Variants in TCHP observed in about 807,000 individuals in gnomAD.
TCHP encodes the protein trichoplein keratin filament-binding protein.
TCHP carries 81 observed loss-of-function variants against 88.7 expected under a neutral mutation model. The observed-to-expected ratio is 0.91, with a 90% CI of 0.76 to 1.10. The LOEUF is 1.10. Ranked by LOEUF, TCHP falls within the 50% of genes least tolerant of loss-of-function variation. The pLI, the probability that TCHP is intolerant of heterozygous loss-of-function variation, is 0.00. For missense variants in TCHP, 641 were observed against 632.1 expected, an observed-to-expected ratio of 1.01 and a Z score of -0.15; for synonymous variants, 232 against 232.5, an observed-to-expected ratio of 1.00 and a Z score of 0.02.
upstream of TCHP, among the ~76,000 whole-genome samples, chr12:109,899,394 C>T (rs1869657528): frequency 6.6e-6 from 1 of 152,142 alleles, no homozygotes; most frequent in Non-Finnish European, 1.5e-5. Flanking sequence ...AATCCTAGCA[C>T]TTTGGGAGCC....
intron 9 of TCHP, 102 bp downstream of exon 9, chr12:109,911,337 C>A: frequency 1.6e-6 from 1 of 626,168 alleles, no homozygotes; most frequent in Non-Finnish European, 2.6e-6. Context: ...ATTGGCTGGG[C>A]GTGGAGGCTC....
At chr12:109,889,787 G>A in the TCHP span, among the ~76,000 whole-genome samples, 1 of 152,190 alleles carries the variant, frequency 6.6e-6, no homozygotes, top group Non-Finnish European at 1.5e-5. Flanking sequence ...ACTGGCAATT[G>A]TGGGGATAAT....
rs1592915349 is a variant in TCHP at position 109,914,629 on chromosome 12, T to A, written c.1320+2T>A. On this transcript the variant is annotated splice_donor_variant, in intron 11 of 12. Transcript: ENST00000405876. LOFTEE classifies it high-confidence loss of function. ...AGGAAGCAGGAGCTGGAAGCCCAGG[T>A]AGGGCTGAGCCCAAGGGCGGGAGGC... 1 of 1,609,752 alleles carries A rather than the reference T, an allele frequency of 6.2e-7. No homozygotes were observed. Among genetic ancestry groups the A allele is most frequent in the Non-Finnish European group, 8.5e-7 (1 of 1,178,990 alleles).
chr12:109,902,383 A>C (rs1465662238), intron 1 of TCHP, among the ~76,000 whole-genome samples: 1 of 151,248 alleles, frequency 6.6e-6, no homozygotes, highest in Non-Finnish European at 1.5e-5. Context: ...CTGGTCTCCA[A>C]CTCCCGGCCT....
At chr12:109,915,116 A>C in intron 11 of TCHP, 1 of 532,738 alleles carries the variant, frequency 1.9e-6, no homozygotes, top group Middle Eastern at 5.1e-4. Flanking sequence ...CACAATGCAT[A>C]CAGCCTCTCC....
intron 5 of TCHP, 84 bp downstream of exon 5, chr12:109,906,724 A>G: frequency 1.8e-6 from 2 of 1,136,672 alleles, no homozygotes; most frequent in Non-Finnish European, 2.6e-6. Flanking sequence ...CGTTTTCAGC[A>G]TCAGTGACTC....
chr12:109,902,684 G>A (rs930217521), intron 1 of TCHP, among the ~76,000 whole-genome samples: 5 of 152,068 alleles, frequency 3.3e-5, no homozygotes, highest in South Asian at 4.1e-4. Flanking sequence ...CTATGTTGGC[G>A]CAGCTGGTCT....
chr12:109,908,544 G>C (rs1394533308), intron 6 of TCHP, 42 bp from the exon 7 acceptor site: 4 of 1,506,346 alleles, frequency 2.7e-6, no homozygotes, highest in Non-Finnish European at 3.6e-6. Flanking sequence ...TGATTCCCAC[G>C]ATCTCAGATC....
upstream of TCHP, among the ~76,000 whole-genome samples, chr12:109,898,090 T>C (rs1265946978): frequency 6.6e-6 from 1 of 152,078 alleles, no homozygotes; most frequent in East Asian, 1.9e-4. Flanking sequence ...AGGTGCCAAC[T>C]AAAGGGGGAT....
chr12:109,910,056 T>C (rs1870397622), intron 8 of TCHP, among the ~76,000 whole-genome samples: 1 of 152,150 alleles, frequency 6.6e-6, no homozygotes, highest in Non-Finnish European at 1.5e-5. Context: ...GGAGAATTGC[T>C]TGAACCCAGG....
At chr12:109,906,672 A>G in intron 5 of TCHP, 32 bp downstream of exon 5, 1 of 1,571,884 alleles carries the variant, frequency 6.4e-7, no homozygotes, top group East Asian at 2.2e-5. Flanking sequence ...ATAGCCGCGT[A>G]TTCTGCTGTG....
chr12:109,913,635 A>C (rs569637758), intron 10 of TCHP, among the ~76,000 whole-genome samples: 1 of 152,294 alleles, frequency 6.6e-6, no homozygotes, highest in East Asian at 1.9e-4. Flanking sequence ...GTCAGTGTGT[A>C]CACTGTGCGT....
chr12:109,908,959 G>T, intron 8 of TCHP, 22 bp downstream of exon 8: 1 of 1,613,194 alleles, frequency 6.2e-7, no homozygotes, highest in Non-Finnish European at 8.5e-7. Flanking sequence ...GAGACAGCCT[G>T]ACATCTTTCT....
the TCHP span, among the ~76,000 whole-genome samples, chr12:109,887,039 C>T: frequency 2.6e-5 from 4 of 152,164 alleles, no homozygotes; most frequent in Non-Finnish European, 5.9e-5. Flanking sequence ...GGTGTCCCTT[C>T]TCCTAGATTC....
In TCHP at chr12:109,904,128, A is replaced by C. The variant is rs10774978; in HGVS notation, c.380A>C (p.Lys127Thr). The change falls in exon 3 of 13, where the codon AAA becomes ACA. Residue 127 changes from lysine to threonine, a missense_variant. Coordinates refer to ENST00000405876, the MANE Select transcript of TCHP (RefSeq NM_001143852.2). The stretch of plus-strand genomic sequence containing the variant: ...CAGCACGGGAAGCTGAAATCAGCCA[A>C]AGAAGAGCAGAGGAAACTGGTAACT... ...REQHGKLKSA[K>T]EEQRKLIAEQ... is the part of the protein sequence containing the mutation. 3.2e-6 allele frequency: 5 copies of C among 1,574,406 alleles called. No homozygotes were observed. The South Asian group carries it at 3.5e-5, about 11-fold the overall frequency.
chr12:109,896,100 C>G (rs1869552011), upstream of TCHP, among the ~76,000 whole-genome samples: 1 of 152,120 alleles, frequency 6.6e-6, no homozygotes, highest in Non-Finnish European at 1.5e-5. Context: ...GCACGCACTA[C>G]CACACCTGGC....
rs2136067718 is a variant in TCHP, at chr12:109,903,659, C to T, written c.189-278C>T. ...TGCTGAATGTATGAGCTTTGGTTTC[C>T]TCATCAATCAAGTGGGGCTACAGCA... On this transcript the variant is annotated intron_variant, in intron 2 of 12. Transcript: ENST00000405876. This position sits in a 1 kb window ranked among gnomAD's most constrained non-coding sequence, Gnocchi z 4.6. Among the ~76,000 whole-genome samples the T allele has an allele frequency of 1.3e-5, 2 of 152,276 alleles. No homozygotes were observed. Among genetic ancestry groups the T allele is most frequent in the East Asian group, 3.9e-4 (2 of 5,188 alleles).
Position 109,914,565 on chromosome 12 carries a change from C to T in TCHP, c.1258C>T (p.Arg420Cys), listed in dbSNP as rs79799419. The T allele has an allele frequency of 9.0e-4, 1,457 of 1,613,768 alleles. 6 individuals are homozygous for T. In the African/African-American group the frequency reaches 0.017, roughly 19 times the overall value. Residue 420 changes from arginine to cysteine, a missense_variant, in exon 11 of 13, where the codon CGT becomes TGT. Arg to Cys is a radical substitution (Grantham distance 180). Coordinates refer to ENST00000405876, the MANE Select transcript of TCHP (RefSeq NM_001143852.2). ...RNLEEVRELA[R>C]REKEESEKLK... ...TCTTGAGGAGGTGAGAGAGTTGGCT[C>T]GTCGCGAGAAAGAGGAGAGTGAAAA...
rs1240493316 is a variant in TCHP, at chr12:109,914,447, G to C, written c.1140G>C (p.Leu380=). 1.2e-6 allele frequency: 2 copies of C among 1,611,782 alleles called. No individual in the cohort carries two copies. The change falls in exon 11 of 13, where the codon CTG becomes CTC. Residue 380 remains leucine, a synonymous_variant. Transcript: ENST00000405876. Reference sequence around the variant, plus strand: ...TTTCTTTCTGCTGAGGTTAGGTTCTGACAGGGAGACAACAGCAAATACAAG... The same window carrying C: ...TTTCTTTCTGCTGAGGTTAGGTTCTCACAGGGAGACAACAGCAAATACAAG... ...SARDRLMSEV[L]TGRQQQIQEK...
Sources: gnomAD v4.1 joint callset for allele counts (sites outside exome capture counted in the v4.1 genomes callset) on GRCh38, gnomAD v4.1.1 for gene constraint, Gnocchi (gnomAD v3.1) non-coding constraint, MANE v1.5 for transcripts, NCBI Gene and HGNC (gene_info 2026-07-23, HGNC 2026-07-21) for gene names.